Variants in PRX observed in about 807,000 individuals in gnomAD.
PRX encodes the protein periaxin.
In PRX, 24 loss-of-function variants were observed where a neutral mutation model predicts 29.6. The observed-to-expected ratio is 0.81, with a 90% CI of 0.59 to 1.14. PRX has a LOEUF of 1.14. PRX is among the 50% of genes most tolerant of loss of function. The pLI is 0.00. For synonymous variants in PRX, 772 were observed against 831.7 expected (o/e 0.93, Z 1.24); for missense variants, 1,838 against 1,926.4 (o/e 0.95, Z 0.86).
chr19:40,397,420 C>T lies in PRX; in HGVS notation c.932G>A (p.Cys311Tyr). 6.2e-7 allele frequency: 1 copy of T among 1,607,330 alleles called. No homozygotes were observed. Among genetic ancestry groups the T allele is most frequent in the Non-Finnish European group, 8.5e-7 (1 of 1,177,698 alleles). ...PSLPTLPTLPCLETREGAVSV... is the reference protein window; with the variant it reads ...PSLPTLPTLPYLETREGAVSV... ...CACAGCCCCTTCCCGGGTCTCTAGG[C>T]AGGGAAGTGTGGGCAGAGTGGGCAG... The change falls in exon 7 of 7, where the codon TGC becomes TAC. Residue 311 changes from cysteine to tyrosine, a missense_variant. Cys to Tyr is a radical substitution (Grantham distance 194). Around this residue, in one of 3 missense-constraint regions of PRX, gnomAD observed 666 missense variants for 665.0 expected, o/e 1.00. Coordinates refer to ENST00000324001, the MANE Select transcript of PRX (RefSeq NM_181882.3).
chr19:40,407,181 C>A (rs942490195), intron 4 of PRX, among the ~76,000 whole-genome samples: 2 of 149,284 alleles, frequency 1.3e-5, no homozygotes, highest in Non-Finnish European at 2.9e-5. Context: ...TGGGTCCAAG[C>A]CCATGTCCTT....
rs545062549 is a variant in PRX, at chr19:40,394,271, C to G, written c.4081G>C (p.Glu1361Gln). The stretch of plus-strand genomic sequence containing the variant: ...CCCGAGGCCCCTTCCCCACTGCCCT[C>G]TTCCTCCTCCTCCTCCTCCTCCTCG... ...SPEEEEEEEE[E>Q]GSGEGASGRR... Residue 1361 changes from glutamate (E) to glutamine (Q), a missense_variant, in exon 7 of 7, where the codon GAG becomes CAG. Coordinates refer to ENST00000324001, the MANE Select transcript of PRX (RefSeq NM_181882.3). This position sits in a 1 kb window ranked among gnomAD's most constrained non-coding sequence, Gnocchi z 5.8. The G allele has an allele frequency of 6.2e-7, 1 of 1,612,334 alleles. No homozygotes were observed. The highest frequency in any genetic ancestry group is 8.5e-7 in the Non-Finnish European group (1 of 1,179,172).
At chr19:40,411,415 A>G (rs1025499590) in intron 1 of PRX, among the ~76,000 whole-genome samples, 1 of 152,296 alleles carries the variant, frequency 6.6e-6, no homozygotes. Context: ...CAGGACTGAT[A>G]CACAGCACAG....
chr19:40,394,696 G>A lies in PRX; in HGVS notation c.3656C>T (p.Pro1219Leu), dbSNP rs201393544. 383 of 1,611,212 alleles carry A rather than the reference G, an allele frequency of 2.4e-4. No homozygotes were observed. Among genetic ancestry groups the A allele is most frequent in the Non-Finnish European group, 3.1e-4 (366 of 1,179,982 alleles). The change falls in exon 7 of 7, where the codon CCC (proline) becomes CTC (leucine). Residue 1219 changes from proline to leucine, a missense_variant. Transcript: ENST00000324001. The surrounding 1 kb of genome is among the most constrained non-coding windows in gnomAD (Gnocchi z 5.8). ...GVFKMPTVTV[P>L]QLELDVGLSR... is the part of the protein sequence containing the mutation. ...TAGCCCCACGTCCAGCTCAAGCTGG[G>A]GCACTGTCACGGTGGGCATCTTAAA...
Position 40,398,144 on chromosome 19 carries a change from C to A in PRX, c.382-174G>T. The A allele has an allele frequency of 7.0e-7, 1 of 1,433,724 alleles. No homozygotes were observed. Among genetic ancestry groups the A allele is most frequent in the Non-Finnish European group, 9.1e-7 (1 of 1,098,322 alleles). 88.8% of individuals were successfully genotyped at this position (1,433,724 alleles called of 1,614,324 possible). ...ATTTCACCATGAGTGCCCAGGAAAGCAGGCAGCCATCTAGGATCTCCAAAT... is the reference window on the plus strand; with the variant it reads ...ATTTCACCATGAGTGCCCAGGAAAGAAGGCAGCCATCTAGGATCTCCAAAT... On this transcript the variant is annotated intron_variant, in intron 6 of 6. Coordinates refer to ENST00000324001, the MANE Select transcript of PRX (RefSeq NM_181882.3). This position sits in a 1 kb window ranked among gnomAD's most constrained non-coding sequence, Gnocchi z 6.3.
At chr19:40,404,431 G>GGT (rs1555802256) in intron 4 of PRX, among the ~76,000 whole-genome samples, 3 of 151,872 alleles carry the variant, frequency 2.0e-5, no homozygotes, top group Middle Eastern at 3.4e-3. Context: ...GGCTGGGGGG[G>GGT]GTTGGTGCGG....
rs763366666 is a variant in PRX, at chr19:40,403,727, T to G, written c.163A>C (p.Arg55=). 1 of 1,563,378 alleles carries G rather than the reference T, an allele frequency of 6.4e-7. No homozygotes were observed. The highest frequency in any genetic ancestry group is 8.7e-7 in the Non-Finnish European group (1 of 1,155,046). ...RELREDSPAA[R]SLSLQEGDQL... is the part of the protein sequence containing the mutation. ...CCACCTTCCTGCAGGCTGAGGCTCC[T>G]GGCGGCGGGTGAGTCCTCGCGCAGC... The change falls in exon 5 of 7, where the codon AGG becomes CGG. Residue 55 remains arginine, a synonymous_variant. Transcript: ENST00000324001.
chr19:40,396,759 T>G lies in PRX; in HGVS notation c.1593A>C (p.Pro531=). The G allele has an allele frequency of 6.2e-7, 1 of 1,609,442 alleles. No individual in the cohort carries two copies. Among genetic ancestry groups the G allele is most frequent in the Non-Finnish European group, 8.5e-7 (1 of 1,178,420 alleles). The change falls in exon 7 of 7, where the codon CCA becomes CCC. Residue 531 remains proline (P), a synonymous_variant. Coordinates refer to ENST00000324001, the MANE Select transcript of PRX (RefSeq NM_181882.3). ...CCGGCACAGCCATCTCTGGCACCTT[T>G]GGGAGTTTCATCTCCGACACTTTCA... ...QLLKVSEMKL[P]KVPEMAVPEV... is the part of the protein sequence containing the mutation.
chr19:40,394,371 C>T lies in PRX; in HGVS notation c.3981G>A (p.Lys1327=). 1 of 1,602,878 alleles carries T rather than the reference C, an allele frequency of 6.2e-7. No individual in the cohort carries two copies. The highest frequency in any genetic ancestry group is 8.5e-7 in the Non-Finnish European group (1 of 1,174,470). ...CTCGGGGCAGCCTGAGTTTGGGGCT[C>T]TTGGCCTTCTCACCCTCCTCGGCCC... is the stretch of plus-strand genomic sequence containing the variant. The part of the protein sequence containing the change: ...KEGAEEGEKA[K]SPKLRLPRVG... The change falls in exon 7 of 7, where the codon AAG becomes AAA. Residue 1327 remains lysine (K), a synonymous_variant. Coordinates refer to ENST00000324001, the MANE Select transcript of PRX (RefSeq NM_181882.3). This position sits in a 1 kb window ranked among gnomAD's most constrained non-coding sequence, Gnocchi z 5.8.
In PRX at chr19:40,397,431, G is replaced by A. The variant is rs1484214423; in HGVS notation, c.921C>T (p.Pro307=). ...CCCGGGTCTCTAGGCAGGGAAGTGT[G>A]GGCAGAGTGGGCAGTGAGGGCAAGG... is the stretch of plus-strand genomic sequence containing the variant. ...LPALPSLPTL[P]TLPCLETREG... is the part of the protein sequence containing the mutation. The change falls in exon 7 of 7, where the codon CCC becomes CCT. Residue 307 remains proline, a synonymous_variant. Coordinates refer to ENST00000324001, the MANE Select transcript of PRX (RefSeq NM_181882.3). The A allele has an allele frequency of 6.3e-7, 1 of 1,599,630 alleles. No individual in the cohort carries two copies. Among genetic ancestry groups the A allele is most frequent in the South Asian group, 1.1e-5 (1 of 89,490 alleles).
At chr19:40,407,456 C>A (rs1599665787) in intron 4 of PRX, 1 of 235,986 alleles carries the variant, frequency 4.2e-6, no homozygotes, top group Non-Finnish European at 8.5e-6. Flanking sequence ...GAATGCACCA[C>A]CAAACCCGGC....
rs2079539128 is a variant in PRX at position 40,407,847 on chromosome 19, C to G, written c.27+59G>C. 4 of 1,608,450 alleles carry G rather than the reference C, an allele frequency of 2.5e-6. No individual in the cohort carries two copies. In the African/African-American group the frequency reaches 5.3e-5, roughly 21 times the overall value. ...AGGCCAGAAAGTGTCTCCTTGCTGC[C>G]CTAGTCTGTGCCTCCCCATTGCCCT... On this transcript the variant is annotated intron_variant, in intron 4 of 6. Coordinates refer to ENST00000324001, the MANE Select transcript of PRX (RefSeq NM_181882.3).
chr19:40,394,700 C>A lies in PRX; in HGVS notation c.3652G>T (p.Val1218Leu). Residue 1218 changes from valine to leucine, a missense_variant, in exon 7 of 7, where the codon GTG becomes TTG. Val to Leu is a conservative substitution (Grantham distance 32). Around this residue, in one of 3 missense-constraint regions of PRX, gnomAD observed 1,143 missense variants for 1,193.0 expected, o/e 0.96. Coordinates refer to ENST00000324001, the MANE Select transcript of PRX (RefSeq NM_181882.3). The surrounding 1 kb of genome is among the most constrained non-coding windows in gnomAD (Gnocchi z 5.8). Reference sequence around the variant, plus strand: ...CCCACGTCCAGCTCAAGCTGGGGCACTGTCACGGTGGGCATCTTAAAGACA... The same window carrying A: ...CCCACGTCCAGCTCAAGCTGGGGCAATGTCACGGTGGGCATCTTAAAGACA... ...EGVFKMPTVT[V>L]PQLELDVGLS... 2 of 1,611,460 alleles carry A rather than the reference C, an allele frequency of 1.2e-6. No individual in the cohort carries two copies. Among genetic ancestry groups the A allele is most frequent in the African/African-American group, 1.3e-5 (1 of 75,044 alleles).
chr19:40,399,841 G>GCTTGCTTTC (rs1203275860), intron 5 of PRX, among the ~76,000 whole-genome samples: 1 of 126,850 alleles, frequency 7.9e-6, no homozygotes, highest in Non-Finnish European at 1.8e-5. Context: ...ACTACACCCA[G>GCTTGCTTTC]CTTTCTTTCC....
chr19:40,397,197 C>T lies in PRX; in HGVS notation c.1155G>A (p.Arg385=), dbSNP rs2145731352. Residue 385 remains arginine (R), a synonymous_variant, in exon 7 of 7, where the codon AGG becomes AGA. Transcript: ENST00000324001. ...GCATTCGAAGTCTGGGACCTTTCAC[C>T]CTGGCCTCAGGGCTGACCTTGGCTA... ...AKVAKVSPEA[R]VKGPRLRMPT... The T allele has an allele frequency of 1.2e-6, 2 of 1,614,030 alleles. No individual in the cohort carries two copies. The highest frequency in any genetic ancestry group is 2.2e-5 in the East Asian group (1 of 44,878).
rs1397415995 is a variant in PRX, at chr19:40,397,086, C to T, written c.1266G>A (p.Met422Ile). 1 of 1,614,094 alleles carries T rather than the reference C, an allele frequency of 6.2e-7. No homozygotes were observed. ...ESKLKLPTIK[M>I]PSLGIGVSGP... ...CTGACACTCCGATGCCAAGGGAGGG[C>T]ATCTTGATGGTGGGCAGCTTCAGCT... The change falls in exon 7 of 7, where the codon ATG becomes ATA. Residue 422 changes from methionine to isoleucine, a missense_variant. Met to Ile is a conservative substitution (Grantham distance 10). Around this residue, in one of 3 missense-constraint regions of PRX, gnomAD observed 666 missense variants for 665.0 expected, o/e 1.00. Transcript: ENST00000324001.
At chr19:40,403,663 GC>G in intron 5 of PRX, 42 bp downstream of exon 5, 2 of 1,474,244 alleles carry the variant, frequency 1.4e-6, no homozygotes, top group Non-Finnish European at 1.8e-6. Flanking sequence ...TCCTAACCCC[GC>G]CCCCGCAGTT....
rs751789324 is a variant in PRX, at chr19:40,397,927, G to C, written c.425C>G (p.Pro142Arg). 6.2e-7 allele frequency: 1 copy of C among 1,612,954 alleles called. No individual in the cohort carries two copies. Among genetic ancestry groups the C allele is most frequent in the Admixed American group, 1.7e-5 (1 of 59,858 alleles). ...LSPVKKKKMV[P>R]GALGVPADLA... ...GTCAGCGGGGACCCCCAGAGCCCCA[G>C]GCACCATCTTCTTCTTCTTCACAGG... The change falls in exon 7 of 7, where the codon CCT becomes CGT. Residue 142 changes from proline (P) to arginine (R), a missense_variant. Transcript: ENST00000324001.
chr19:40,413,347 T>A lies in PRX; in HGVS notation c.-252A>T, dbSNP rs1459032728. 1 of 151,914 alleles carries A rather than the reference T, an allele frequency of 6.6e-6. No homozygotes were observed. Among genetic ancestry groups the A allele is most frequent in the African/African-American group, 2.4e-5 (1 of 41,260 alleles). The allele number at this position is 151,914 out of a possible 1,614,324, so 9.4% of individuals were successfully genotyped here. A position where few individuals can be genotyped will look rare whatever the true frequency, so the allele number is the denominator to read the frequency against. On this transcript the variant is annotated 5_prime_UTR_variant, in exon 1 of 7. Coordinates refer to ENST00000324001, the MANE Select transcript of PRX (RefSeq NM_181882.3). ...CCGGCTGATCTCTTACCGCTGAGCC[T>A]CCAGACACCTCGAGAGCTCCTGGTC...
Sources: allele counts gnomAD v4.1 joint callset (sites outside exome capture counted in the v4.1 genomes callset), GRCh38; gene constraint gnomAD v4.1.1; regional missense constraint gnomAD v4.1.1; non-coding constraint Gnocchi (gnomAD v3.1); transcripts MANE v1.5; gene names NCBI Gene and HGNC (gene_info 2026-07-23, HGNC 2026-07-21).